EYA1: variants seen among roughly 807,000 people sequenced by gnomAD.
EYA1 encodes protein phosphatase EYA1.
EYA1 carries 16 observed loss-of-function variants against 82.0 expected under a neutral mutation model. That is an observed-to-expected ratio of 0.20 (90% confidence interval 0.13 to 0.30). EYA1 has a LOEUF of 0.30. EYA1 is among the 10% of genes least tolerant of loss of function. The pLI, the probability that EYA1 is intolerant of heterozygous loss-of-function variation, is 1.00. For missense variants in EYA1, 633 were observed against 730.7 expected (o/e 0.87, Z 1.54); for synonymous variants, 261 against 264.4 (o/e 0.99, Z 0.12).
At chr8:71,297,664 C>A (rs2128997304) in intron 9 of EYA1, among the ~76,000 whole-genome samples, 1 of 152,150 alleles carries the variant, frequency 6.6e-6, no homozygotes, top group African/African-American at 2.4e-5. Flanking sequence ...CCTCATGATG[C>A]CTATATGAAG....
chr8:71,251,513 G>T (rs1280625231), intron 11 of EYA1, among the ~76,000 whole-genome samples: 1 of 152,198 alleles, frequency 6.6e-6, no homozygotes, highest in Non-Finnish European at 1.5e-5. Flanking sequence ...TCACTAAAGT[G>T]AAGTGAAGGA....
chr8:71,317,709 C>T lies in EYA1; in HGVS notation c.419-20G>A, dbSNP rs1390540540. The T allele has an allele frequency of 1.2e-6, 2 of 1,613,018 alleles. No homozygotes were observed. The highest frequency in any genetic ancestry group is 1.7e-6 in the Non-Finnish European group (2 of 1,179,198). On this transcript the variant is annotated intron_variant, in intron 6 of 17. Transcript: ENST00000340726. ...ATGCACCTAAATCAGTTAGTGATAG[C>T]TTATCTATCTGTCCATTTTCAAAAG... is the stretch of plus-strand genomic sequence containing the variant.
chr8:71,383,205 T>C (rs1366759201), intron 2 of EYA1, among the ~76,000 whole-genome samples: 1 of 152,076 alleles, frequency 6.6e-6, no homozygotes, highest in Non-Finnish European at 1.5e-5. Context: ...ACTCTGGCAA[T>C]TCCAAATGTT....
chr8:71,444,030 C>G (rs1381019999), intron 2 of EYA1, among the ~76,000 whole-genome samples: 1 of 152,176 alleles, frequency 6.6e-6, no homozygotes, highest in Non-Finnish European at 1.5e-5. Flanking sequence ...CCACTGTTTC[C>G]TATAAAGATC....
chr8:71,377,832 T>C (rs1279273147), intron 2 of EYA1, among the ~76,000 whole-genome samples: 1 of 152,246 alleles, frequency 6.6e-6, no homozygotes, highest in Non-Finnish European at 1.5e-5. Context: ...AATGGAATCA[T>C]GTTATAAGTG....
At chr8:71,394,914 C>T (rs1829499559) in intron 2 of EYA1, among the ~76,000 whole-genome samples, 1 of 152,174 alleles carries the variant, frequency 6.6e-6, no homozygotes, top group African/African-American at 2.4e-5. Flanking sequence ...TTGATTCTTC[C>T]TATCCATGAG....
chr8:71,337,805 G>T (rs1420361049), intron 3 of EYA1, among the ~76,000 whole-genome samples: 1 of 152,128 alleles, frequency 6.6e-6, no homozygotes. Context: ...TTCTCCTGTG[G>T]AGTAATACCA....
At position 71,299,926 on chromosome 8, in the gene EYA1, C is replaced by G. The variant is rs148248577; in HGVS notation, c.557-206G>C. On this transcript the variant is annotated intron_variant, in intron 7 of 17. Coordinates refer to ENST00000340726, the MANE Select transcript of EYA1 (RefSeq NM_000503.6). ...TAAAAAACAAAGAGGTTTAAATTTC[C>G]AAGGATGTTAGTAACTTATATAGAC... 2.9e-3 allele frequency among the ~76,000 whole-genome samples: 437 copies of G among 151,996 alleles called. 4 individuals are homozygous for G. Among genetic ancestry groups the G allele is most frequent in the African/African-American group, 0.01 (425 of 41,484 alleles).
intron 3 of EYA1, among the ~76,000 whole-genome samples, chr8:71,345,674 A>C (rs1172623017): frequency 6.6e-6 from 1 of 152,204 alleles, no homozygotes; most frequent in Non-Finnish European, 1.5e-5. Context: ...CTTTAAGGCA[A>C]GTATCAGATT....
At chr8:71,510,545 G>C (rs1308855844) in intron 2 of EYA1, among the ~76,000 whole-genome samples, 2 of 152,184 alleles carry the variant, frequency 1.3e-5, no homozygotes, top group African/African-American at 4.8e-5. Context: ...CGGGAGGAGA[G>C]AGAATGAGTG....
At chr8:71,360,859 CT>C (rs1157977067) in intron 1 of EYA1, among the ~76,000 whole-genome samples, 1 of 152,192 alleles carries the variant, frequency 6.6e-6, no homozygotes, top group Non-Finnish European at 1.5e-5. Context: ...TTATTGAATT[CT>C]TGCAAATGCT....
In EYA1 at chr8:71,468,165, G is replaced by A. The variant is rs377636289; in HGVS notation, c.33+67579C>T. On this transcript the variant is annotated intron_variant, in intron 2 of 18. Transcript: ENST00000643681. ...GCTATTTTTATACATTTGGATCCAT[G>A]AGATTTATTATTAGAAAGGCACCTT... Among the ~76,000 whole-genome samples, 5 of 152,250 alleles carry A rather than the reference G, an allele frequency of 3.3e-5. No individual in the cohort carries two copies. In the East Asian group the frequency reaches 7.7e-4, roughly 23 times the overall value.
intron 9 of EYA1, among the ~76,000 whole-genome samples, chr8:71,277,985 C>A (rs1001343096): frequency 2.0e-5 from 3 of 152,034 alleles, no homozygotes; most frequent in African/African-American, 7.2e-5. Flanking sequence ...TCCATAAATT[C>A]TTCAATATTA....
chr8:71,197,768 T>C lies in EYA1; in HGVS notation c.*1572A>G, dbSNP rs1806420598. ...CAAAGCTGGTGTTTTTCCCGCCCAA[T>C]ATATGATTGATTAAAGAAGACTCAT... is the stretch of plus-strand genomic sequence containing the variant. On this transcript the variant is annotated 3_prime_UTR_variant, in exon 18 of 18. Transcript: ENST00000340726. 1 of 152,554 alleles carries C rather than the reference T, an allele frequency of 6.6e-6. No homozygotes were observed. Among genetic ancestry groups the C allele is most frequent in the South Asian group, 2.1e-4 (1 of 4,806 alleles). 9.5% of individuals were successfully genotyped at this position (152,554 alleles called of 1,614,324 possible). A position where few individuals can be genotyped will look rare whatever the true frequency, so the allele number is the denominator to read the frequency against.
At chr8:71,206,334 A>G (rs1807765888) in intron 17 of EYA1, among the ~76,000 whole-genome samples, 2 of 151,922 alleles carry the variant, frequency 1.3e-5, no homozygotes, top group Admixed American at 1.3e-4. Context: ...TGATCCTCAC[A>G]CCTCAGCCTC....
intron 12 of EYA1, among the ~76,000 whole-genome samples, chr8:71,220,636 C>T (rs1430766558): frequency 6.6e-6 from 1 of 152,198 alleles, no homozygotes; most frequent in Non-Finnish European, 1.5e-5. Context: ...GTCCTTACTG[C>T]CTTGAAACTA....
chr8:71,248,250 C>T (rs1470039545), intron 11 of EYA1, among the ~76,000 whole-genome samples: 1 of 152,206 alleles, frequency 6.6e-6, no homozygotes, highest in Non-Finnish European at 1.5e-5. Flanking sequence ...GAAACATTTA[C>T]TACACCAACA....
chr8:71,333,978 C>A, intron 4 of EYA1, 119 bp downstream of exon 4: 1 of 732,470 alleles, frequency 1.4e-6, no homozygotes, highest in Non-Finnish European at 2.5e-6. Flanking sequence ...TACATAAGTA[C>A]GTATATACCC....
chr8:71,426,160 T>C (rs571369322), intron 2 of EYA1, among the ~76,000 whole-genome samples: 3 of 152,350 alleles, frequency 2.0e-5, no homozygotes, highest in Admixed American at 6.5e-5. Flanking sequence ...TGTAGGTCAT[T>C]TCTTTAATCA....
Sources: gnomAD v4.1 joint callset for allele counts (sites outside exome capture counted in the v4.1 genomes callset) on GRCh38, gnomAD v4.1.1 for gene constraint, MANE v1.5 for transcripts, NCBI Gene and HGNC (gene_info 2026-07-23, HGNC 2026-07-21) for gene names.